ATF7IP: variants seen among roughly 807,000 people sequenced by gnomAD.
The protein encoded by ATF7IP is activating transcription factor 7 interacting protein.
ATF7IP carries 23 observed loss-of-function variants against 106.4 expected under a neutral mutation model. The observed-to-expected ratio is 0.22, with a 90% CI of 0.16 to 0.31. ATF7IP has a LOEUF of 0.31. ATF7IP is among the 10% of genes least tolerant of loss of function. The pLI is 1.00. For synonymous variants in ATF7IP, 542 were observed against 539.0 expected (o/e 1.01, Z -0.08); for missense variants, 1,334 against 1,524.3 (o/e 0.88, Z 2.08).
chr12:14,401,799 C>T (rs1301693478), intron 1 of ATF7IP, among the ~76,000 whole-genome samples: 11 of 148,502 alleles, frequency 7.4e-5, no homozygotes, highest in South Asian at 2.1e-4. Context: ...CTGCAGTCTC[C>T]ACCTCCTGGG....
chr12:14,482,245 G>C (rs1355049601), intron 13 of ATF7IP: 1 of 152,066 alleles, frequency 6.6e-6, no homozygotes, highest in Non-Finnish European at 1.5e-5. Flanking sequence ...CACCAAAATT[G>C]ATATCATTTA....
intron 6 of ATF7IP, among the ~76,000 whole-genome samples, chr12:14,450,392 AT>A (rs1211560751): frequency 6.6e-6 from 1 of 152,032 alleles, no homozygotes; most frequent in Non-Finnish European, 1.5e-5. Context: ...AGGGTGTTGA[AT>A]TTTGTCAAGT....
intron 1 of ATF7IP, among the ~76,000 whole-genome samples, chr12:14,396,545 AAG>A (rs1350487193): frequency 6.6e-6 from 1 of 152,206 alleles, no homozygotes; most frequent in Non-Finnish European, 1.5e-5. Context: ...TGATAGTAGA[AAG>A]AAATCAATTT....
At chr12:14,380,729 C>T (rs1473820415) in intron 1 of ATF7IP, among the ~76,000 whole-genome samples, 1 of 152,202 alleles carries the variant, frequency 6.6e-6, no homozygotes, top group African/African-American at 2.4e-5. Context: ...AAGGGATTCT[C>T]CTGTCTCAGC....
At chr12:14,488,537 C>T (rs1208158019) in intron 13 of ATF7IP, among the ~76,000 whole-genome samples, 1 of 152,126 alleles carries the variant, frequency 6.6e-6, no homozygotes, top group African/African-American at 2.4e-5. Context: ...CTGCCTTCCC[C>T]AGCCCACTGA....
At chr12:14,377,119 C>G (rs1163398059) in intron 1 of ATF7IP, among the ~76,000 whole-genome samples, 1 of 151,412 alleles carries the variant, frequency 6.6e-6, no homozygotes, top group East Asian at 1.9e-4. Context: ...TTCAGCCTTC[C>G]GAGTAGCTGG....
At chr12:14,496,875 A>G (rs1397273220) in intron 14 of ATF7IP, among the ~76,000 whole-genome samples, 1 of 152,228 alleles carries the variant, frequency 6.6e-6, no homozygotes, top group Non-Finnish European at 1.5e-5. Flanking sequence ...AAATATCATT[A>G]TAATGATGAT....
chr12:14,484,087 C>T (rs1436251702), intron 13 of ATF7IP, among the ~76,000 whole-genome samples: 3 of 152,104 alleles, frequency 2.0e-5, no homozygotes, highest in African/African-American at 7.2e-5. Context: ...ATCAACCTGC[C>T]ACCCGGTAGC....
At chr12:14,489,757 C>T (rs1944747134) in intron 13 of ATF7IP, among the ~76,000 whole-genome samples, 1 of 152,160 alleles carries the variant, frequency 6.6e-6, no homozygotes. Flanking sequence ...CCAGTGAATT[C>T]CATGAGCATG....
At chr12:14,390,931 A>G (rs1939512863) in intron 1 of ATF7IP, among the ~76,000 whole-genome samples, 1 of 152,216 alleles carries the variant, frequency 6.6e-6, no homozygotes, top group Admixed American at 6.5e-5. Flanking sequence ...TGGTAACTCT[A>G]AGGAAGTGCT....
At chr12:14,465,554 A>G (rs1227478588) in intron 9 of ATF7IP, among the ~76,000 whole-genome samples, 1 of 151,742 alleles carries the variant, frequency 6.6e-6, no homozygotes, top group African/African-American at 2.4e-5. Context: ...TAGATAATAT[A>G]TTAATATTCT....
chr12:14,434,516 AAAT>A, intron 3 of ATF7IP, 93 bp downstream of exon 3: 2 of 869,212 alleles, frequency 2.3e-6, no homozygotes, highest in South Asian at 3.4e-5. Context: ...TTTGCCCATG[AAAT>A]AATTGTAAAA....
At chr12:14,384,097 C>G (rs1939111883) in intron 1 of ATF7IP, among the ~76,000 whole-genome samples, 1 of 152,100 alleles carries the variant, frequency 6.6e-6, no homozygotes. Flanking sequence ...ATAATAAATT[C>G]TGTGTGCCCA....
chr12:14,392,916 A>G (rs772749661), intron 1 of ATF7IP, among the ~76,000 whole-genome samples: 2 of 152,188 alleles, frequency 1.3e-5, no homozygotes, highest in South Asian at 4.1e-4. Flanking sequence ...CATTGCCACC[A>G]TATTTTACAA....
chr12:14,437,270 ACAAT>A (rs1942446194), intron 4 of ATF7IP, among the ~76,000 whole-genome samples: 1 of 152,242 alleles, frequency 6.6e-6, no homozygotes, highest in African/African-American at 2.4e-5. Context: ...ATGACATTTT[ACAAT>A]CAATGTTTTA....
At chr12:14,454,436 G>C (rs1228667208) in intron 6 of ATF7IP, among the ~76,000 whole-genome samples, 2 of 152,214 alleles carry the variant, frequency 1.3e-5, no homozygotes, top group African/African-American at 4.8e-5. Flanking sequence ...TCTTGCTCCA[G>C]ATTAGTCCTC....
chr12:14,451,472 T>A (rs1161088601), intron 6 of ATF7IP, among the ~76,000 whole-genome samples: 2 of 152,196 alleles, frequency 1.3e-5, no homozygotes, highest in Non-Finnish European at 2.9e-5. Flanking sequence ...AAAGCTAGAT[T>A]GTTGATTTGA....
chr12:14,491,670 T>C (rs1307006521), intron 13 of ATF7IP, among the ~76,000 whole-genome samples: 1 of 152,242 alleles, frequency 6.6e-6, no homozygotes, highest in Non-Finnish European at 1.5e-5. Flanking sequence ...TTGCTGTCTT[T>C]GCCCACTGAA....
chr12:14,425,078 G>C lies in ATF7IP; in HGVS notation c.1163G>C (p.Ser388Thr). Residue 388 changes from serine to threonine, a missense_variant, in exon 2 of 15, where the codon AGC (serine) becomes ACC (threonine). Around this residue, in one of 10 missense-constraint regions of ATF7IP, gnomAD observed 438 missense variants for 405.3 expected, o/e 1.08. Coordinates refer to ENST00000261168, the MANE Select transcript of ATF7IP (RefSeq NM_018179.5). ...ELALGEDAIS[S>T]SMEIDQGEKN... ...GCTCTTGGAGAAGATGCTATATCTA[G>C]CAGTATGGAAATTGACCAAGGTGAA... is the stretch of plus-strand genomic sequence containing the variant. 10 of 1,594,954 alleles carry C rather than the reference G, an allele frequency of 6.3e-6. No individual in the cohort carries two copies. The highest frequency in any genetic ancestry group is 8.5e-6 in the Non-Finnish European group (10 of 1,175,062).
Sources: gnomAD v4.1 joint callset for allele counts (sites outside exome capture counted in the v4.1 genomes callset) on GRCh38, gnomAD v4.1.1 for gene constraint, gnomAD v4.1.1 regional missense constraint, MANE v1.5 for transcripts, NCBI Gene and HGNC (gene_info 2026-07-23, HGNC 2026-07-21) for gene names.